The following TMTC2 variants were observed in gnomAD, a reference collection of about 807,000 sequenced individuals.
TMTC2 encodes the protein protein O-mannosyl-transferase TMTC2.
Under a neutral mutation model 82.4 loss-of-function variants are expected in TMTC2, and 43 were observed. The ratio of observed to expected loss-of-function variants is 0.52; its 90% CI spans 0.41 to 0.67. TMTC2 has a LOEUF of 0.67. Ranked by LOEUF, TMTC2 falls within the 30% of genes least tolerant of loss-of-function variation. The probability of loss-of-function intolerance (pLI) is 0.00; values close to 1 mark genes in which losing one functional copy is unlikely to be tolerated. For synonymous variants in TMTC2, 408 were observed against 381.9 expected (o/e 1.07, Z -0.80); for missense variants, 919 against 1,012.4 (o/e 0.91, Z 1.25).
intron 1 of TMTC2, among the ~76,000 whole-genome samples, chr12:82,848,838 A>G (rs1471328224): frequency 2.0e-5 from 3 of 152,162 alleles, no homozygotes; most frequent in Non-Finnish European, 4.4e-5. Flanking sequence ...ATTCTGCCAC[A>G]ATAACTAGGA....
chr12:82,861,331 G>A (rs1023639843), intron 2 of TMTC2, among the ~76,000 whole-genome samples: 4 of 152,174 alleles, frequency 2.6e-5, no homozygotes, highest in African/African-American at 9.7e-5. Context: ...ACATCCGGAT[G>A]TAGTGATCAG....
chr12:82,936,092 CACT>C (rs1876302177), intron 4 of TMTC2, among the ~76,000 whole-genome samples: 1 of 151,818 alleles, frequency 6.6e-6, no homozygotes, highest in South Asian at 2.1e-4. Context: ...AATAATAAAA[CACT>C]AATAATATAT....
intron 1 of TMTC2, among the ~76,000 whole-genome samples, chr12:82,856,582 A>G (rs185266891): frequency 1.3e-5 from 2 of 152,242 alleles, no homozygotes; most frequent in East Asian, 3.9e-4. Flanking sequence ...TCCCTGTAAA[A>G]TTTATTAATT....
intron 2 of TMTC2, among the ~76,000 whole-genome samples, chr12:82,894,450 G>T (rs1477865476): frequency 6.6e-6 from 1 of 152,158 alleles, no homozygotes; most frequent in East Asian, 1.9e-4. Context: ...ATATGCTTAA[G>T]GTATATTGCT....
At chr12:83,113,844 C>T (rs1565892921) in intron 11 of TMTC2, among the ~76,000 whole-genome samples, 2 of 152,190 alleles carry the variant, frequency 1.3e-5, no homozygotes, top group Admixed American at 6.5e-5. Flanking sequence ...TTGCTGTGCT[C>T]CTGCCCTTTA....
intron 3 of TMTC2, among the ~76,000 whole-genome samples, chr12:82,923,294 G>A (rs1875501865): frequency 6.6e-6 from 1 of 152,036 alleles, no homozygotes; most frequent in South Asian, 2.1e-4. Context: ...TTTCCTTTTT[G>A]TAGAATCCTA....
intron 1 of TMTC2, among the ~76,000 whole-genome samples, chr12:82,794,313 G>A (rs1003192293): frequency 6.6e-6 from 1 of 152,048 alleles, no homozygotes; most frequent in Non-Finnish European, 1.5e-5. Flanking sequence ...GTTCTTGAAA[G>A]GTATAAATGA....
chr12:82,958,634 C>A (rs1201567577), intron 4 of TMTC2, among the ~76,000 whole-genome samples: 1 of 151,904 alleles, frequency 6.6e-6, no homozygotes, highest in Non-Finnish European at 1.5e-5. Flanking sequence ...ATTTATCAGC[C>A]CTTTATAATA....
chr12:82,874,880 T>C (rs918475871), intron 2 of TMTC2, among the ~76,000 whole-genome samples: 7 of 152,300 alleles, frequency 4.6e-5, no homozygotes, highest in Admixed American at 2.0e-4. Context: ...TTTTAAATAC[T>C]GAAATTAATT....
intron 11 of TMTC2, among the ~76,000 whole-genome samples, chr12:83,124,227 C>T (rs760129412): frequency 1.3e-5 from 2 of 152,160 alleles, no homozygotes; most frequent in South Asian, 4.1e-4. Flanking sequence ...ATTGTCTGGC[C>T]GAGCACATAT....
intron 11 of TMTC2, among the ~76,000 whole-genome samples, chr12:83,114,581 A>G (rs1315433100): frequency 1.3e-5 from 2 of 152,228 alleles, no homozygotes; most frequent in African/African-American, 4.8e-5. Flanking sequence ...TTTAAAACTG[A>G]GTATTTTTAA....
chr12:82,752,532 C>G (rs887171212), intron 1 of TMTC2, among the ~76,000 whole-genome samples: 3 of 151,930 alleles, frequency 2.0e-5, no homozygotes, highest in African/African-American at 7.3e-5. Flanking sequence ...TGGAGTTACC[C>G]TGAGTGACGA....
chr12:82,786,111 T>C (rs1041603160), intron 1 of TMTC2, among the ~76,000 whole-genome samples: 1 of 152,068 alleles, frequency 6.6e-6, no homozygotes, highest in Admixed American at 6.6e-5. Context: ...CTTTTCTTGA[T>C]CTCCCTGTGT....
At chr12:82,721,829 T>G (rs2136927401) in intron 1 of TMTC2, among the ~76,000 whole-genome samples, 1 of 152,324 alleles carries the variant, frequency 6.6e-6, no homozygotes, top group South Asian at 2.1e-4. Context: ...GTTTTTCCAT[T>G]CACAATTGTG....
chr12:82,965,518 A>G (rs1878154538), intron 5 of TMTC2, 42 bp from the exon 6 acceptor site: 5 of 1,597,702 alleles, frequency 3.1e-6, no homozygotes, highest in Non-Finnish European at 4.3e-6. Context: ...ATTCAAGTGT[A>G]TATCATCTTC....
At chr12:82,692,671 G>A (rs1178272052) in intron 1 of TMTC2, among the ~76,000 whole-genome samples, 1 of 152,206 alleles carries the variant, frequency 6.6e-6, no homozygotes, top group Non-Finnish European at 1.5e-5. Context: ...TCTCTTAGGA[G>A]CAGAGTATTG....
chr12:82,852,489 A>G (rs1368538052), intron 1 of TMTC2, among the ~76,000 whole-genome samples: 2 of 152,072 alleles, frequency 1.3e-5, no homozygotes, highest in South Asian at 2.1e-4. Context: ...TTTTTTTCCC[A>G]TATCTGCTGC....
chr12:82,912,408 C>A (rs1023959292), intron 3 of TMTC2, among the ~76,000 whole-genome samples: 2 of 151,810 alleles, frequency 1.3e-5, no homozygotes, highest in Admixed American at 1.3e-4. Context: ...TTCTGCTCTT[C>A]TTACCTCTCC....
intron 10 of TMTC2, among the ~76,000 whole-genome samples, chr12:83,052,079 C>CT (rs1434477094): frequency 6.6e-6 from 1 of 152,054 alleles, no homozygotes; most frequent in Non-Finnish European, 1.5e-5. Flanking sequence ...TAAATGACTT[C>CT]TATACTGTCA....
Sources: allele counts gnomAD v4.1 joint callset (sites outside exome capture counted in the v4.1 genomes callset), GRCh38; gene constraint gnomAD v4.1.1; transcripts MANE v1.5; gene names NCBI Gene and HGNC (gene_info 2026-07-23, HGNC 2026-07-21).